KLF17: variants seen among roughly 807,000 people sequenced by gnomAD.
The protein encoded by KLF17 is Krueppel-like factor 17.
A neutral mutation model predicts 34.2 loss-of-function variants in KLF17; 31 were observed. That is an observed-to-expected ratio of 0.91 (90% CI 0.68 to 1.22). The LOEUF is 1.22. KLF17 is among the 50% of genes most tolerant of loss of function. The pLI, the probability that KLF17 is intolerant of heterozygous loss-of-function variation, is 0.00. For synonymous variants in KLF17, 179 were observed against 186.7 expected, an observed-to-expected ratio of 0.96 and a Z score of 0.34; for missense variants, 478 against 505.2, an observed-to-expected ratio of 0.95 and a Z score of 0.52.
the KLF17 span, among the ~76,000 whole-genome samples, chr1:44,055,391 A>G: frequency 6.6e-6 from 1 of 152,128 alleles, no homozygotes; most frequent in African/African-American, 2.4e-5. Flanking sequence ...AAAAATTAGG[A>G]GATTTATCCA....
In KLF17 at chr1:44,130,710, A is replaced by G. The variant is rs1376937554; in HGVS notation, c.1124A>G (p.Asn375Ser). The G allele has an allele frequency of 2.1e-5, 22 of 1,032,846 alleles. No homozygotes were observed. Among genetic ancestry groups the G allele is most frequent in the African/African-American group, 9.6e-5 (6 of 62,506 alleles). 64.0% of individuals were successfully genotyped at this position (1,032,846 alleles called of 1,614,324 possible). A position where few individuals can be genotyped will look rare whatever the true frequency, so the allele number is the denominator to read the frequency against. The part of the protein sequence containing the change: ...HRPGPSDPQA[N>S]NNNGEQDSPP... Reference sequence around the variant, plus strand: ...CCGGGACCCTCAGACCCACAGGCCAACAACAACAATGGAGAGCAGGACAGT... The same window carrying G: ...CCGGGACCCTCAGACCCACAGGCCAGCAACAACAATGGAGAGCAGGACAGT... Residue 375 changes from asparagine to serine, a missense_variant, in exon 3 of 4, where the codon AAC becomes AGC. Physicochemically the swap from Asn to Ser is conservative, Grantham distance 46 (BLOSUM62 1). Transcript: ENST00000372299.
the KLF17 span, among the ~76,000 whole-genome samples, chr1:44,106,238 C>T: frequency 6.6e-6 from 1 of 152,294 alleles, no homozygotes; most frequent in East Asian, 1.9e-4. Flanking sequence ...GATCCACCTG[C>T]CCATCTCCAT....
Position 44,118,877 on chromosome 1 carries a change from C to A in KLF17, c.-31C>A. ...CGTGGTGGCTGGTTCCCTGTCTCTT[C>A]AGTAGAGAGTCTAGACCCCACCCAG... On this transcript the variant is annotated 5_prime_UTR_variant, in exon 1 of 4. Coordinates refer to ENST00000372299, the MANE Select transcript of KLF17 (RefSeq NM_173484.4). 6.4e-7 allele frequency: 1 copy of A among 1,573,574 alleles called. No individual in the cohort carries two copies. Among genetic ancestry groups the A allele is most frequent in the Non-Finnish European group, 8.6e-7 (1 of 1,157,560 alleles).
chr1:44,123,255 T>G (rs1172155728), intron 1 of KLF17, among the ~76,000 whole-genome samples: 1 of 151,766 alleles, frequency 6.6e-6, no homozygotes, highest in Non-Finnish European at 1.5e-5. Flanking sequence ...AAATGGGGGG[T>G]CTCACCATGT....
At chr1:44,110,946 A>C in the KLF17 span, among the ~76,000 whole-genome samples, 1 of 151,794 alleles carries the variant, frequency 6.6e-6, no homozygotes, top group African/African-American at 2.4e-5. Context: ...AACAAAGCGA[A>C]ACCCCATCTT....
the KLF17 span, among the ~76,000 whole-genome samples, chr1:44,103,016 AT>A: frequency 6.6e-6 from 1 of 152,240 alleles, no homozygotes; most frequent in Non-Finnish European, 1.5e-5. Flanking sequence ...CAGAATGCTT[AT>A]ATGAGAACAA....
At chr1:44,097,635 G>T in the KLF17 span, among the ~76,000 whole-genome samples, 2 of 152,028 alleles carry the variant, frequency 1.3e-5, no homozygotes, top group African/African-American at 2.4e-5. Flanking sequence ...TACATTATAG[G>T]TATATTCTAG....
At chr1:44,119,073 G>A (rs978050004) in intron 1 of KLF17, 85 bp downstream of exon 1, 23 of 978,424 alleles carry the variant, frequency 2.4e-5, no homozygotes, top group Admixed American at 2.8e-5. Context: ...GAGAGGTGAG[G>A]CGGAGGGAAG....
chr1:44,077,094 C>G, the KLF17 span, among the ~76,000 whole-genome samples: 8 of 151,294 alleles, frequency 5.3e-5, no homozygotes, highest in Admixed American at 5.3e-4. Context: ...CCTGTAATCC[C>G]AGCACTTTGG....
chr1:44,134,257 G>A lies in KLF17; in HGVS notation c.*1020G>A, dbSNP rs1195271505. ...TAGAAGTACACAAATTGGGCCCGGC[G>A]CGATGGCTCACGCCTGTAATCCCAG... On this transcript the variant is annotated 3_prime_UTR_variant, in exon 4 of 4. Transcript: ENST00000372299. 2.0e-5 allele frequency: 3 copies of A among 152,272 alleles called. No homozygotes were observed. Among genetic ancestry groups the A allele is most frequent in the Non-Finnish European group, 4.4e-5 (3 of 68,080 alleles). 9.4% of individuals were successfully genotyped at this position (152,272 alleles called of 1,614,324 possible). A position where few individuals can be genotyped will look rare whatever the true frequency, so the allele number is the denominator to read the frequency against.
In KLF17 at chr1:44,134,311, A is replaced by T. The variant is rs765907651; in HGVS notation, c.*1074A>T. ...TTTTGGAGGCCGAGGCAGGCGGATCATTTGAGGTTAGAGATTCGAGACCAG... is the reference window on the plus strand; with the variant it reads ...TTTTGGAGGCCGAGGCAGGCGGATCTTTTGAGGTTAGAGATTCGAGACCAG... On this transcript the variant is annotated 3_prime_UTR_variant, in exon 4 of 4. Coordinates refer to ENST00000372299, the MANE Select transcript of KLF17 (RefSeq NM_173484.4). The T allele has an allele frequency of 6.6e-6, 1 of 152,274 alleles. No individual in the cohort carries two copies. The highest frequency in any genetic ancestry group is 1.5e-5 in the Non-Finnish European group (1 of 68,080). The allele number at this position is 152,274 out of a possible 1,614,324, so 9.4% of individuals were successfully genotyped here.
At chr1:44,080,489 T>A in the KLF17 span, among the ~76,000 whole-genome samples, 1 of 151,916 alleles carries the variant, frequency 6.6e-6, no homozygotes, top group Non-Finnish European at 1.5e-5. Flanking sequence ...ATGCCCGCCT[T>A]GGCCTCCCAA....
the KLF17 span, among the ~76,000 whole-genome samples, chr1:44,091,047 C>A: frequency 4.0e-5 from 6 of 151,858 alleles, no homozygotes; most frequent in Non-Finnish European, 8.8e-5. Flanking sequence ...AAAATGAGTA[C>A]CCTAAAGAGC....
upstream of KLF17, chr1:44,118,801 A>C: frequency 1.2e-6 from 1 of 816,038 alleles, no homozygotes; most frequent in Non-Finnish European, 1.9e-6. Context: ...GTAAATAGGT[A>C]AATAGAAGGT....
chr1:44,132,513 G>T (rs758074912), intron 3 of KLF17, among the ~76,000 whole-genome samples: 14 of 152,130 alleles, frequency 9.2e-5, no homozygotes, highest in Non-Finnish European at 2.9e-5. Flanking sequence ...GCCCACCCCA[G>T]CCTATTAAAT....
At chr1:44,128,682 G>T (rs560018914) in intron 1 of KLF17, among the ~76,000 whole-genome samples, 79 of 152,220 alleles carry the variant, frequency 5.2e-4, no homozygotes, top group African/African-American at 1.8e-3. Flanking sequence ...CCGTTCTGCT[G>T]GTTTGGGATG....
At chr1:44,050,339 C>A in the KLF17 span, among the ~76,000 whole-genome samples, 1 of 152,192 alleles carries the variant, frequency 6.6e-6, no homozygotes, top group African/African-American at 2.4e-5. Flanking sequence ...GGCAAAAGCA[C>A]CTCTCCAAAA....
chr1:44,062,863 G>T, the KLF17 span, among the ~76,000 whole-genome samples: 1 of 152,286 alleles, frequency 6.6e-6, no homozygotes, highest in South Asian at 2.1e-4. Flanking sequence ...CATACACTCT[G>T]TGACCAACAA....
chr1:44,124,580 C>T lies in KLF17; in HGVS notation c.82-4773C>T, dbSNP rs183877031. Among the ~76,000 whole-genome samples the T allele has an allele frequency of 5.7e-3, 856 of 151,002 alleles. 36 individuals are homozygous for T. The East Asian group carries it at 0.097, about 17-fold the overall frequency. On this transcript the variant is annotated intron_variant, in intron 1 of 3. Coordinates refer to ENST00000372299, the MANE Select transcript of KLF17 (RefSeq NM_173484.4). ...CACGATCTCGGCTCACTGCAGGCTCCGCCCCCGGGGTTCACGCCATTCTCC... is the reference window on the plus strand; with the variant it reads ...CACGATCTCGGCTCACTGCAGGCTCTGCCCCCGGGGTTCACGCCATTCTCC...
Sources: gnomAD v4.1 joint callset for allele counts (sites outside exome capture counted in the v4.1 genomes callset) on GRCh38, gnomAD v4.1.1 for gene constraint, MANE v1.5 for transcripts, NCBI Gene and HGNC (gene_info 2026-07-23, HGNC 2026-07-21) for gene names.